The following NCOA7 variants were observed in gnomAD, a reference collection of about 807,000 sequenced individuals.
NCOA7 encodes the protein 140 kDa estrogen receptor-associated protein.
NCOA7 carries 45 observed loss-of-function variants against 104.3 expected under a neutral mutation model. The observed-to-expected ratio is 0.43, with a 90% confidence interval of 0.34 to 0.55. The LOEUF (loss-of-function observed/expected upper bound fraction) is 0.55, where lower values mean the gene tolerates loss of function less well. NCOA7 is among the 20% of genes least tolerant of loss of function. NCOA7 has a pLI of 0.02. For synonymous variants in NCOA7, 398 were observed against 402.3 expected, an observed-to-expected ratio of 0.99 and a Z score of 0.13; for missense variants, 1,041 against 1,119.7, an observed-to-expected ratio of 0.93 and a Z score of 1.00.
chr6:125,823,065 A>G (rs901260798), intron 2 of NCOA7, among the ~76,000 whole-genome samples: 3 of 152,122 alleles, frequency 2.0e-5, no homozygotes, highest in Non-Finnish European at 1.5e-5. Flanking sequence ...TTGGATTTCA[A>G]TTTCAAAGCG....
chr6:125,911,193 TG>T (rs1163918394), intron 10 of NCOA7, among the ~76,000 whole-genome samples: 2 of 152,198 alleles, frequency 1.3e-5, no homozygotes, highest in Non-Finnish European at 2.9e-5. Flanking sequence ...TTTACAGCTG[TG>T]ATGTTTAGCA....
At chr6:125,917,234 AAC>A (rs1295044967) in intron 11 of NCOA7, among the ~76,000 whole-genome samples, 1 of 149,166 alleles carries the variant, frequency 6.7e-6, no homozygotes, top group Non-Finnish European at 1.5e-5. Flanking sequence ...ATGATTTCCA[AAC>A]AGTTATGTTT....
chr6:125,867,034 TC>T (rs1583415716), intron 3 of NCOA7, among the ~76,000 whole-genome samples: 1 of 152,252 alleles, frequency 6.6e-6, no homozygotes, highest in Non-Finnish European at 1.5e-5. Context: ...GAGTATTATA[TC>T]CATTTAGACA....
At chr6:125,807,802 C>T (rs1055838112) in intron 1 of NCOA7, among the ~76,000 whole-genome samples, 1 of 152,176 alleles carries the variant, frequency 6.6e-6, no homozygotes, top group Non-Finnish European at 1.5e-5. Context: ...AATCTTCTCC[C>T]TCCAGGTTCA....
intron 2 of NCOA7, among the ~76,000 whole-genome samples, chr6:125,835,445 T>C (rs1311432436): frequency 2.0e-5 from 3 of 152,164 alleles, no homozygotes; most frequent in Admixed American, 2.0e-4. Flanking sequence ...CCAGATAAGA[T>C]TTGACATCAG....
chr6:125,877,857 A>G (rs1205316442), intron 4 of NCOA7, among the ~76,000 whole-genome samples: 1 of 152,202 alleles, frequency 6.6e-6, no homozygotes, highest in Non-Finnish European at 1.5e-5. Context: ...AGTTTATAGT[A>G]TATGGAAAAG....
intron 3 of NCOA7, among the ~76,000 whole-genome samples, chr6:125,859,677 G>A (rs921396090): frequency 2.0e-5 from 3 of 152,104 alleles, no homozygotes; most frequent in Non-Finnish European, 4.4e-5. Context: ...AGACAAATAC[G>A]AAGTTCTATA....
chr6:125,898,484 T>C (rs951692229), intron 10 of NCOA7, among the ~76,000 whole-genome samples: 6 of 152,238 alleles, frequency 3.9e-5, no homozygotes, highest in African/African-American at 1.4e-4. Context: ...AGAGAGCAGA[T>C]TGGGCAACAA....
Position 125,928,040 on chromosome 6 carries a change from T to C in NCOA7, c.2620-134T>C, listed in dbSNP as rs1788188713. ...AGATCTCATCCTGGTGTGGGCCAGGTCTGGCAGTCAGGAACTTCCTCCGTC... is the reference window on the plus strand; with the variant it reads ...AGATCTCATCCTGGTGTGGGCCAGGCCTGGCAGTCAGGAACTTCCTCCGTC... On this transcript the variant is annotated intron_variant, in intron 14 of 15. Transcript: ENST00000392477. 7.1e-6 allele frequency: 6 copies of C among 850,056 alleles called. No individual in the cohort carries two copies. In the South Asian group the frequency reaches 7.5e-5, roughly 11 times the overall value. 52.7% of individuals were successfully genotyped at this position (850,056 alleles called of 1,614,324 possible).
chr6:125,915,555 A>G, intron 11 of NCOA7, 75 bp downstream of exon 11: 1 of 1,567,304 alleles, frequency 6.4e-7, no homozygotes, highest in Non-Finnish European at 8.8e-7. Flanking sequence ...GATTCCATGT[A>G]ACAGGCTGGT....
At chr6:125,883,187 C>A (rs6935780) in intron 7 of NCOA7, among the ~76,000 whole-genome samples, 44 of 152,028 alleles carry the variant, frequency 2.9e-4, no homozygotes, top group African/African-American at 1.0e-3. Flanking sequence ...TCAGCTTTTA[C>A]TGAGCCTCTG....
intron 4 of NCOA7, among the ~76,000 whole-genome samples, chr6:125,876,464 CAA>C (rs1783387091): frequency 6.6e-6 from 1 of 152,124 alleles, no homozygotes; most frequent in East Asian, 1.9e-4. Flanking sequence ...TTATTAATAA[CAA>C]TATTACTTCT....
At chr6:125,899,349 T>C (rs978131678) in intron 10 of NCOA7, among the ~76,000 whole-genome samples, 12 of 152,228 alleles carry the variant, frequency 7.9e-5, no homozygotes, top group African/African-American at 2.7e-4. Flanking sequence ...TTGCTTCTAC[T>C]GGGATCACAG....
chr6:125,854,893 A>G (rs1474276795), intron 2 of NCOA7, 127 bp from the exon 3 acceptor site: 1 of 630,616 alleles, frequency 1.6e-6, no homozygotes, highest in Non-Finnish European at 2.7e-6. Flanking sequence ...GTAATGAACC[A>G]TATTATAAGG....
At chr6:125,840,868 G>GTTTTTTTTTTTTGTTTGTTTTT (rs1780077634) in intron 2 of NCOA7, among the ~76,000 whole-genome samples, 1 of 40,340 alleles carries the variant, frequency 2.5e-5, no homozygotes, top group African/African-American at 1.0e-4. Context: ...TGTTTGGTTG[G>GTTTTTTTTTTTTGTTTGTTTTT]TTTTTTTTTT....
At chr6:125,843,787 C>G (rs564816953) in intron 2 of NCOA7, among the ~76,000 whole-genome samples, 15 of 152,246 alleles carry the variant, frequency 9.9e-5, no homozygotes, top group African/African-American at 3.4e-4. Flanking sequence ...TTTCTCCAAA[C>G]CATTTTTAGG....
intron 1 of NCOA7, among the ~76,000 whole-genome samples, chr6:125,807,750 C>G (rs564622056): frequency 1.4e-4 from 22 of 152,130 alleles, no homozygotes; most frequent in Non-Finnish European, 2.6e-4. Flanking sequence ...GAAATATACT[C>G]ATGAGGACAG....
At chr6:125,783,547 T>C (rs1332255445) in intron 1 of NCOA7, among the ~76,000 whole-genome samples, 2 of 152,230 alleles carry the variant, frequency 1.3e-5, no homozygotes, top group African/African-American at 4.8e-5. Flanking sequence ...TCTGTTTTAG[T>C]GAGTTTTTAT....
intron 2 of NCOA7, among the ~76,000 whole-genome samples, chr6:125,815,758 A>G (rs1239497307): frequency 2.0e-5 from 3 of 152,246 alleles, no homozygotes; most frequent in African/African-American, 7.2e-5. Context: ...AGGTTGGACT[A>G]TAACTGAAAA....
Sources: allele counts gnomAD v4.1 joint callset (sites outside exome capture counted in the v4.1 genomes callset), GRCh38; gene constraint gnomAD v4.1.1; transcripts MANE v1.5; gene names NCBI Gene and HGNC (gene_info 2026-07-23, HGNC 2026-07-21).